Variants in MPLKIP observed in about 807,000 individuals in gnomAD.
MPLKIP encodes the protein M-phase-specific PLK1-interacting protein.
In MPLKIP, 16 loss-of-function variants were observed where a neutral mutation model predicts 16.9. The observed-to-expected ratio is 0.94, with a 90% CI of 0.64 to 1.43. The LOEUF is 1.43. Among genes scored for constraint, MPLKIP ranks in the 40% most tolerant of loss-of-function variants. The pLI, the probability that MPLKIP is intolerant of heterozygous loss-of-function variation, is 0.00. For missense variants in MPLKIP, 282 were observed against 237.6 expected, an observed-to-expected ratio of 1.19 and a Z score of -1.23; for synonymous variants, 126 against 98.4, an observed-to-expected ratio of 1.28 and a Z score of -1.66.
At position 40,129,099 on chromosome 7, in the gene MPLKIP, A is replaced by C. The variant is rs547005807; in HGVS notation, c.*3960T>G. ...GTATCTTTTCCTTCATGTTAAACTCATGCTCTTTGCTTTCCTTTCACACAA... is the reference window on the plus strand; with the variant it reads ...GTATCTTTTCCTTCATGTTAAACTCCTGCTCTTTGCTTTCCTTTCACACAA... On this transcript the variant is annotated 3_prime_UTR_variant, in exon 2 of 2. Transcript: ENST00000306984. The C allele has an allele frequency of 6.6e-6, 1 of 152,044 alleles. No individual in the cohort carries two copies. The highest frequency in any genetic ancestry group is 6.6e-5 in the Admixed American group (1 of 15,234). 9.4% of individuals were successfully genotyped at this position (152,044 alleles called of 1,614,324 possible). A position where few individuals can be genotyped will look rare whatever the true frequency, so the allele number is the denominator to read the frequency against.
Position 40,126,972 on chromosome 7 carries a change from ATTTT to A in MPLKIP, c.*6083_*6086del, listed in dbSNP as rs1348906584. 2 of 134,938 alleles carry A rather than the reference ATTTT, an allele frequency of 1.5e-5. No individual in the cohort carries two copies. Among genetic ancestry groups the A allele is most frequent in the African/African-American group, 5.4e-5 (2 of 37,076 alleles). The allele number at this position is 134,938 out of a possible 1,614,324, so 8.4% of individuals were successfully genotyped here. A position where few individuals can be genotyped will look rare whatever the true frequency, so the allele number is the denominator to read the frequency against. On this transcript the variant is annotated 3_prime_UTR_variant, in exon 2 of 2. Transcript: ENST00000306984. Reference sequence around the variant, plus strand: ...CAGGCGCCCGCCACCATGCCTGGCTATTTTTTTTTTTTTATTTTTAGTAGAGACG... The same window carrying A: ...CAGGCGCCCGCCACCATGCCTGGCTATTTTTTTTTATTTTTAGTAGAGACG...
chr7:40,133,294 T>G (rs1787498332), intron 1 of MPLKIP, 35 bp from the exon 2 acceptor site: 1 of 1,562,726 alleles, frequency 6.4e-7, no homozygotes, highest in Non-Finnish European at 8.8e-7. Context: ...AAACACTTAG[T>G]AAAGATAATT....
intron 1 of MPLKIP, 101 bp from the exon 2 acceptor site, chr7:40,133,360 G>A (rs1787501253): frequency 9.7e-6 from 10 of 1,027,968 alleles, no homozygotes; most frequent in South Asian, 9.0e-5. Flanking sequence ...CTTAAAAGTT[G>A]TGACTTGAAC....
Position 40,133,279 on chromosome 7 carries a change from TAAAA to T in MPLKIP, c.340-24_340-21del. On this transcript the variant is annotated intron_variant, in intron 1 of 1. Transcript: ENST00000306984. ...AGAACCCTTTAGAAAAAAAATCAGTTAAAAAAACACTTAGTAAAGATAATTGGTA... is the reference window on the plus strand; with the variant it reads ...AGAACCCTTTAGAAAAAAAATCAGTTAAACACTTAGTAAAGATAATTGGTA... 1.3e-6 allele frequency: 2 copies of T among 1,599,508 alleles called. No homozygotes were observed. The highest frequency in any genetic ancestry group is 1.7e-6 in the Non-Finnish European group (2 of 1,169,356).
Position 40,133,125 on chromosome 7 carries a change from C to G in MPLKIP, c.474G>C (p.Val158=). The change falls in exon 2 of 2, where the codon GTG becomes GTC. Residue 158 remains valine (V), a synonymous_variant. Transcript: ENST00000306984. ...TATTGCTGTATTGTTGGCTTATATC[C>G]ACTACAGATACTGGTTCTAGGCCAG... The part of the protein sequence containing the change: ...PWAGLEPVSV[V]DISQQYSNTQ... 2 of 1,613,898 alleles carry G rather than the reference C, an allele frequency of 1.2e-6. No individual in the cohort carries two copies. The highest frequency in any genetic ancestry group is 1.7e-6 in the Non-Finnish European group (2 of 1,179,942).
In MPLKIP at chr7:40,134,277, G is replaced by A. The variant is rs765479830; in HGVS notation, c.291C>T (p.Ser97=). ...CTGGGGAGTAGCCGAATTGCTGCTGGGACCCCGCGGGGGACCTGGAGTAGG... is the reference window on the plus strand; with the variant it reads ...CTGGGGAGTAGCCGAATTGCTGCTGAGACCCCGCGGGGGACCTGGAGTAGG... ...PGSYSRSPAG[S]QQQFGYSPGQ... is the part of the protein sequence containing the mutation. Residue 97 remains serine, a synonymous_variant, in exon 1 of 2, where the codon TCC becomes TCT. Transcript: ENST00000306984. 9.0e-6 allele frequency: 14 copies of A among 1,560,672 alleles called. No homozygotes were observed. Among genetic ancestry groups the A allele is most frequent in the Non-Finnish European group, 1.2e-5 (14 of 1,152,414 alleles).
At position 40,130,936 on chromosome 7, in the gene MPLKIP, C is replaced by A. The variant is rs1471385293; in HGVS notation, c.*2123G>T. ...TATCACTTAAGTACCTACTATCTTG[C>A]AGACACTATTCTAAAAACTAAGGAA... is the stretch of plus-strand genomic sequence containing the variant. On this transcript the variant is annotated 3_prime_UTR_variant, in exon 2 of 2. Transcript: ENST00000306984. The A allele has an allele frequency of 1.3e-5, 2 of 152,126 alleles. No individual in the cohort carries two copies. Among genetic ancestry groups the A allele is most frequent in the Non-Finnish European group, 2.9e-5 (2 of 68,022 alleles). 9.4% of individuals were successfully genotyped at this position (152,126 alleles called of 1,614,324 possible).
chr7:40,126,351 T>TATC lies in MPLKIP; in HGVS notation c.*6705_*6707dup, dbSNP rs1787389791. 1 of 152,238 alleles carries TATC rather than the reference T, an allele frequency of 6.6e-6. No homozygotes were observed. 9.4% of individuals were successfully genotyped at this position (152,238 alleles called of 1,614,324 possible). On this transcript the variant is annotated 3_prime_UTR_variant, in exon 2 of 2. Coordinates refer to ENST00000306984, the MANE Select transcript of MPLKIP (RefSeq NM_138701.4). ...ATCAAATGGCTCTAATTTAATCAAC[T>TATC]ATCTTGTTATACTGTGCAAATATGC...
Position 40,126,136 on chromosome 7 carries a change from A to G in MPLKIP, c.*6923T>C, listed in dbSNP as rs1257373290. On this transcript the variant is annotated 3_prime_UTR_variant, in exon 2 of 2. Transcript: ENST00000306984. ...CCATCTGAAGCTTGTATCTCCCTGA[A>G]CCCACCCCAAAATAATTACTATATC... 1 of 152,136 alleles carries G rather than the reference A, an allele frequency of 6.6e-6. No homozygotes were observed. Among genetic ancestry groups the G allele is most frequent in the Non-Finnish European group, 1.5e-5 (1 of 68,030 alleles). 9.4% of individuals were successfully genotyped at this position (152,136 alleles called of 1,614,324 possible). A position where few individuals can be genotyped will look rare whatever the true frequency, so the allele number is the denominator to read the frequency against.
At chr7:40,134,106 TG>T (rs1329931565) in intron 1 of MPLKIP, 122 bp downstream of exon 1, 11 of 1,156,714 alleles carry the variant, frequency 9.5e-6, no homozygotes, top group Non-Finnish European at 1.2e-5. Context: ...TTCGCTCATC[TG>T]CAAAATTGGG....
chr7:40,133,382 T>TCAATTA, intron 1 of MPLKIP, 123 bp from the exon 2 acceptor site: 2 of 832,558 alleles, frequency 2.4e-6, no homozygotes, highest in South Asian at 2.8e-5. Context: ...TAAATAATGT[T>TCAATTA]CAATTACAAA....
rs1787411562 is a variant in MPLKIP, at chr7:40,127,903, C to CATG, written c.*5153_*5155dup. ...ACTAAAAATATAAAAATTAGCCAGG[C>CATG]ATGGTGGCTTGCACCTGTAATCCCA... On this transcript the variant is annotated 3_prime_UTR_variant, in exon 2 of 2. Coordinates refer to ENST00000306984, the MANE Select transcript of MPLKIP (RefSeq NM_138701.4). The CATG allele has an allele frequency of 6.6e-6, 1 of 152,126 alleles. No homozygotes were observed. The highest frequency in any genetic ancestry group is 2.4e-5 in the African/African-American group (1 of 41,390). 9.4% of individuals were successfully genotyped at this position (152,126 alleles called of 1,614,324 possible).
rs1349360402 is a variant in MPLKIP at position 40,130,626 on chromosome 7, TAA to T, written c.*2431_*2432del. The T allele has an allele frequency of 6.6e-6, 1 of 152,220 alleles. No homozygotes were observed. Among genetic ancestry groups the T allele is most frequent in the African/African-American group, 2.4e-5 (1 of 41,458 alleles). The allele number at this position is 152,220 out of a possible 1,614,324, so 9.4% of individuals were successfully genotyped here. On this transcript the variant is annotated 3_prime_UTR_variant, in exon 2 of 2. Transcript: ENST00000306984. Reference sequence around the variant, plus strand: ...TCCTAACTTCTGTTTTCGTCTTTACTAATAACCCAATGATCTAAGAGATGCTT... The same window carrying T: ...TCCTAACTTCTGTTTTCGTCTTTACTTAACCCAATGATCTAAGAGATGCTT...
chr7:40,134,107 G>T, intron 1 of MPLKIP, 122 bp downstream of exon 1: 1 of 1,166,642 alleles, frequency 8.6e-7, no homozygotes, highest in Non-Finnish European at 1.2e-6. Context: ...TCGCTCATCT[G>T]CAAAATTGGG....
At position 40,132,905 on chromosome 7, in the gene MPLKIP, A is replaced by T; in HGVS notation, c.*154T>A. On this transcript the variant is annotated 3_prime_UTR_variant, in exon 2 of 2. Coordinates refer to ENST00000306984, the MANE Select transcript of MPLKIP (RefSeq NM_138701.4). ...AAGTTATCCTACTTTTTTCTCTAAT[A>T]TCAACAATACCTGATACGATGAAAA... The T allele has an allele frequency of 2.8e-6, 2 of 712,080 alleles. No individual in the cohort carries two copies. Among genetic ancestry groups the T allele is most frequent in the Admixed American group, 2.4e-5 (1 of 41,362 alleles). 44.1% of individuals were successfully genotyped at this position (712,080 alleles called of 1,614,324 possible).
chr7:40,130,448 C>T lies in MPLKIP; in HGVS notation c.*2611G>A, dbSNP rs1003220328. The stretch of plus-strand genomic sequence containing the variant: ...AAAAATTTTTCTTAAAAAACTCAGG[C>T]CAGGTCTCTAGAAGTAGATGTTGGT... On this transcript the variant is annotated 3_prime_UTR_variant, in exon 2 of 2. Coordinates refer to ENST00000306984, the MANE Select transcript of MPLKIP (RefSeq NM_138701.4). 6.6e-6 allele frequency: 1 copy of T among 152,162 alleles called. No homozygotes were observed. Among genetic ancestry groups the T allele is most frequent in the Non-Finnish European group, 1.5e-5 (1 of 68,022 alleles). 9.4% of individuals were successfully genotyped at this position (152,162 alleles called of 1,614,324 possible).
At position 40,131,519 on chromosome 7, in the gene MPLKIP, G is replaced by A. The variant is rs1387259269; in HGVS notation, c.*1540C>T. The A allele has an allele frequency of 1.3e-5, 2 of 148,830 alleles. No homozygotes were observed. Among genetic ancestry groups the A allele is most frequent in the Non-Finnish European group, 2.9e-5 (2 of 68,030 alleles). 9.2% of individuals were successfully genotyped at this position (148,830 alleles called of 1,614,324 possible). On this transcript the variant is annotated 3_prime_UTR_variant, in exon 2 of 2. Transcript: ENST00000306984. The stretch of plus-strand genomic sequence containing the variant: ...GTTCGAGACCAGCCTGGTCAACATG[G>A]TGAAACTAAAAATACTAAAAATACT...
At position 40,129,534 on chromosome 7, in the gene MPLKIP, G is replaced by A. The variant is rs902567169; in HGVS notation, c.*3525C>T. On this transcript the variant is annotated 3_prime_UTR_variant, in exon 2 of 2. Transcript: ENST00000306984. The stretch of plus-strand genomic sequence containing the variant: ...GGCTCCCAAAGTGCTGGGATTACAG[G>A]TGTGAGCCATAGTGCCTGGCCTATA... The A allele has an allele frequency of 1.3e-5, 2 of 152,166 alleles. No homozygotes were observed. Among genetic ancestry groups the A allele is most frequent in the Non-Finnish European group, 2.9e-5 (2 of 68,072 alleles). 9.4% of individuals were successfully genotyped at this position (152,166 alleles called of 1,614,324 possible).
At position 40,128,263 on chromosome 7, in the gene MPLKIP, C is replaced by G. The variant is rs1306660627; in HGVS notation, c.*4796G>C. 6.6e-6 allele frequency: 1 copy of G among 152,134 alleles called. No homozygotes were observed. The highest frequency in any genetic ancestry group is 1.5e-5 in the Non-Finnish European group (1 of 68,024). 9.4% of individuals were successfully genotyped at this position (152,134 alleles called of 1,614,324 possible). A position where few individuals can be genotyped will look rare whatever the true frequency, so the allele number is the denominator to read the frequency against. On this transcript the variant is annotated 3_prime_UTR_variant, in exon 2 of 2. Transcript: ENST00000306984. Reference sequence around the variant, plus strand: ...TGTGTCTTATTTACAGTAAAAACTACAACATATTTCTGTTAACTTAAACCT... The same window carrying G: ...TGTGTCTTATTTACAGTAAAAACTAGAACATATTTCTGTTAACTTAAACCT...
Sources: allele counts gnomAD v4.1 joint callset, GRCh38; gene constraint gnomAD v4.1.1; transcripts MANE v1.5; gene names NCBI Gene and HGNC (gene_info 2026-07-23, HGNC 2026-07-21).